ADGRB3: variants seen among roughly 807,000 people sequenced by gnomAD.
ADGRB3 encodes the protein brain-specific angiogenesis inhibitor 3.
ADGRB3 carries 37 observed loss-of-function variants against 193.4 expected under a neutral mutation model. The ratio of observed to expected loss-of-function variants is 0.19; its 90% CI spans 0.15 to 0.25. ADGRB3 has a LOEUF of 0.25. ADGRB3 is among the 10% of genes least tolerant of loss of function. The pLI is 1.00. For missense variants in ADGRB3, 1,637 were observed against 1,852.9 expected, an observed-to-expected ratio of 0.88 and a Z score of 2.14; for synonymous variants, 690 against 644.2, an observed-to-expected ratio of 1.07 and a Z score of -1.08.
intron 26 of ADGRB3, among the ~76,000 whole-genome samples, chr6:69,342,837 A>C (rs1257643143): frequency 6.6e-6 from 1 of 152,110 alleles, no homozygotes; most frequent in Non-Finnish European, 1.5e-5. Flanking sequence ...GCTTCACTAA[A>C]ATTCCTGTGG....
chr6:68,721,298 A>T (rs910725673), intron 3 of ADGRB3, among the ~76,000 whole-genome samples: 1 of 141,696 alleles, frequency 7.1e-6, no homozygotes, highest in Non-Finnish European at 1.5e-5. Flanking sequence ...ATGCAGCCAT[A>T]AAAAAGGATG....
intron 3 of ADGRB3, among the ~76,000 whole-genome samples, chr6:68,687,110 A>AT (rs1764996968): frequency 1.3e-5 from 2 of 151,952 alleles, no homozygotes; most frequent in Admixed American, 6.6e-5. Context: ...GATATATATC[A>AT]TATTTTTTCT....
At chr6:68,864,590 G>C (rs1765240108) in intron 3 of ADGRB3, among the ~76,000 whole-genome samples, 1 of 149,916 alleles carries the variant, frequency 6.7e-6, no homozygotes, top group Non-Finnish European at 1.5e-5. Flanking sequence ...CTGAACTGAA[G>C]ACAAAATAAA....
At chr6:69,118,771 A>T (rs1223377633) in intron 17 of ADGRB3, among the ~76,000 whole-genome samples, 3 of 152,022 alleles carry the variant, frequency 2.0e-5, no homozygotes, top group African/African-American at 4.8e-5. Flanking sequence ...AAGAGCCTCC[A>T]TGTCATAGTA....
chr6:69,105,882 C>A (rs529798121), intron 17 of ADGRB3, among the ~76,000 whole-genome samples: 1 of 152,086 alleles, frequency 6.6e-6, no homozygotes, highest in South Asian at 2.1e-4. Context: ...TACCTGTAAT[C>A]CCAGCATTTT....
Position 69,322,358 on chromosome 6 carries a change from G to A in ADGRB3, c.2815-2514G>A, listed in dbSNP as rs1012816248. 5.9e-5 allele frequency among the ~76,000 whole-genome samples: 9 copies of A among 151,674 alleles called. No homozygotes were observed. In the Admixed American group the frequency reaches 5.9e-4, roughly 10 times the overall value. ...TAATAGAAAAATTTATATTCTGTTC[G>A]GTATATACCCAGTAATGGGATTGCT... On this transcript the variant is annotated intron_variant, in intron 20 of 31. Coordinates refer to ENST00000370598, the MANE Select transcript of ADGRB3 (RefSeq NM_001704.3).
At chr6:69,014,244 G>A (rs564822724) in intron 12 of ADGRB3, 138 bp downstream of exon 12, 4 of 564,954 alleles carry the variant, frequency 7.1e-6, no homozygotes, top group African/African-American at 5.8e-5. Flanking sequence ...AATTTTTGAG[G>A]AAACAAATGA....
chr6:68,672,636 A>G (rs1028967841), intron 3 of ADGRB3, among the ~76,000 whole-genome samples: 2 of 152,038 alleles, frequency 1.3e-5, no homozygotes, highest in Non-Finnish European at 2.9e-5. Context: ...GGTTGAGCTT[A>G]CCTTGAAATG....
At chr6:68,846,213 A>G (rs1159857068) in intron 3 of ADGRB3, among the ~76,000 whole-genome samples, 1 of 152,208 alleles carries the variant, frequency 6.6e-6, no homozygotes, top group Non-Finnish European at 1.5e-5. Flanking sequence ...AAAGCATTCA[A>G]GAGGTGACTT....
chr6:68,893,048 T>C (rs886754572), intron 3 of ADGRB3, among the ~76,000 whole-genome samples: 1 of 152,110 alleles, frequency 6.6e-6, no homozygotes, highest in Non-Finnish European at 1.5e-5. Flanking sequence ...CTTGAAAACA[T>C]TGGAAAATTT....
chr6:69,084,399 CT>C (rs1772488398), intron 17 of ADGRB3, among the ~76,000 whole-genome samples: 1 of 152,120 alleles, frequency 6.6e-6, no homozygotes, highest in African/African-American at 2.4e-5. Flanking sequence ...AGAATCTACT[CT>C]CTGATATTAA....
intron 3 of ADGRB3, among the ~76,000 whole-genome samples, chr6:68,918,835 G>A (rs1056528758): frequency 6.6e-6 from 1 of 151,938 alleles, no homozygotes; most frequent in African/African-American, 2.4e-5. Flanking sequence ...TATCTCTAAT[G>A]CAGGTTAAGT....
chr6:68,743,934 C>G (rs1766031477), intron 3 of ADGRB3, among the ~76,000 whole-genome samples: 1 of 151,958 alleles, frequency 6.6e-6, no homozygotes, highest in South Asian at 2.1e-4. Context: ...GAGCCCTCCT[C>G]CTTTTTTTGT....
At chr6:68,971,725 A>G (rs3823064) in intron 8 of ADGRB3, among the ~76,000 whole-genome samples, 74,603 of 152,164 alleles carry the variant, frequency 0.49, 19,391 homozygotes, top group East Asian at 0.68. Flanking sequence ...CTGCCATATA[A>G]CAAGCGAAGT....
chr6:69,387,712 G>A (rs1443566253), intron 31 of ADGRB3, among the ~76,000 whole-genome samples: 1 of 152,012 alleles, frequency 6.6e-6, no homozygotes, highest in Non-Finnish European at 1.5e-5. Context: ...GGTATGATAA[G>A]TATTTATACA....
intron 3 of ADGRB3, among the ~76,000 whole-genome samples, chr6:68,770,111 A>G (rs1766586516): frequency 6.6e-6 from 1 of 152,136 alleles, no homozygotes; most frequent in African/African-American, 2.4e-5. Context: ...GGTGTTTTAT[A>G]CACAAACCTC....
At chr6:69,267,821 T>C (rs1294274094) in intron 20 of ADGRB3, among the ~76,000 whole-genome samples, 2 of 152,114 alleles carry the variant, frequency 1.3e-5, no homozygotes, top group Non-Finnish European at 2.9e-5. Flanking sequence ...ACTTATGATA[T>C]TGAGTTTTTT....
intron 17 of ADGRB3, among the ~76,000 whole-genome samples, chr6:69,161,915 G>C (rs1383696194): frequency 2.0e-5 from 3 of 152,096 alleles, no homozygotes; most frequent in Non-Finnish European, 4.4e-5. Context: ...GAGAGTCAGA[G>C]ATAGCCCCCA....
At chr6:69,232,470 C>G (rs1582564065) in intron 17 of ADGRB3, 1 of 1,530,808 alleles carries the variant, frequency 6.5e-7, no homozygotes, top group East Asian at 2.4e-5. Context: ...CTTCCCTACT[C>G]CTACTGGACT....
Sources: allele counts gnomAD v4.1 joint callset (sites outside exome capture counted in the v4.1 genomes callset), GRCh38; gene constraint gnomAD v4.1.1; transcripts MANE v1.5; gene names NCBI Gene and HGNC (gene_info 2026-07-23, HGNC 2026-07-21).